Variants in KCNG3 observed in about 807,000 individuals in gnomAD.
KCNG3 encodes the protein potassium voltage-gated channel modifier subfamily G member 3.
A neutral mutation model predicts 29.0 loss-of-function variants in KCNG3; 15 were observed. That is an observed-to-expected ratio of 0.52 (90% CI 0.35 to 0.80). The LOEUF (loss-of-function observed/expected upper bound fraction) is 0.80, where lower values mean the gene tolerates loss of function less well. Ranked by LOEUF, KCNG3 falls within the 30% of genes least tolerant of loss-of-function variation. The probability of loss-of-function intolerance (pLI) is 0.01; values close to 1 mark genes in which losing one functional copy is unlikely to be tolerated. For missense variants in KCNG3, 512 were observed against 605.7 expected, an observed-to-expected ratio of 0.85 and a Z score of 1.62; for synonymous variants, 322 against 248.9, an observed-to-expected ratio of 1.29 and a Z score of -2.76.
At chr2:42,461,908 T>C (rs1314135676) in intron 1 of KCNG3, among the ~76,000 whole-genome samples, 2 of 152,228 alleles carry the variant, frequency 1.3e-5, no homozygotes, top group Non-Finnish European at 2.9e-5. Flanking sequence ...CATTTTGGCT[T>C]CAAGATAGTT....
chr2:42,463,008 T>A (rs1291240138), intron 1 of KCNG3: 1 of 153,890 alleles, frequency 6.5e-6, no homozygotes, highest in African/African-American at 2.4e-5. Flanking sequence ...TGAATCATCT[T>A]TAACCTGGAG....
the KCNG3 span, among the ~76,000 whole-genome samples, chr2:42,408,622 T>C: frequency 6.6e-6 from 1 of 152,128 alleles, no homozygotes; most frequent in Non-Finnish European, 1.5e-5. Flanking sequence ...CTGCCCCCTG[T>C]GGTAGACTGA....
the KCNG3 span, among the ~76,000 whole-genome samples, chr2:42,425,872 T>C: frequency 2.6e-5 from 4 of 152,178 alleles, no homozygotes; most frequent in East Asian, 3.9e-4. Flanking sequence ...AAGTGAAGTT[T>C]TGGTTCAGAA....
In KCNG3 at chr2:42,493,264, G is replaced by A; in HGVS notation, c.238C>T (p.His80Tyr). 1 of 1,612,278 alleles carries A rather than the reference G, an allele frequency of 6.2e-7. No homozygotes were observed. Among genetic ancestry groups the A allele is most frequent in the Non-Finnish European group, 8.5e-7 (1 of 1,179,832 alleles). ...FGFILLYVRGHGKLRFAPRMC... is the reference protein window; with the variant it reads ...FGFILLYVRGYGKLRFAPRMC... ...CGCGGCGCGAAGCGCAGCTTGCCGTGGCCGCGCACGTAGAGCAGGATGAAG... is the reference window on the plus strand; with the variant it reads ...CGCGGCGCGAAGCGCAGCTTGCCGTAGCCGCGCACGTAGAGCAGGATGAAG... Residue 80 changes from histidine to tyrosine, a missense_variant, in exon 1 of 2, where the codon CAC becomes TAC. Transcript: ENST00000306078.
At chr2:42,391,591 A>ATC in the KCNG3 span, among the ~76,000 whole-genome samples, 2 of 128,716 alleles carry the variant, frequency 1.6e-5, no homozygotes, top group Non-Finnish European at 3.3e-5. Context: ...AACATTTTAT[A>ATC]TCTCTTTTTT....
intron 1 of KCNG3, among the ~76,000 whole-genome samples, chr2:42,447,842 C>T (rs952537786): frequency 1.1e-4 from 16 of 152,024 alleles, no homozygotes; most frequent in African/African-American, 2.7e-4. Flanking sequence ...GCAATGAATA[C>T]GTTTGTATAT....
chr2:42,420,105 T>G, the KCNG3 span, among the ~76,000 whole-genome samples: 39 of 151,838 alleles, frequency 2.6e-4, no homozygotes, highest in African/African-American at 9.4e-4. Context: ...GCCCCTATAA[T>G]CCCAACTACT....
intron 1 of KCNG3, among the ~76,000 whole-genome samples, chr2:42,487,156 CAAAAA>C (rs1194994891): frequency 1.5e-5 from 1 of 68,004 alleles, no homozygotes; most frequent in East Asian, 5.8e-4. Flanking sequence ...GACTCTGTCT[CAAAAA>C]AAAAAAAAAA....
chr2:42,459,941 A>C (rs1672973586), intron 1 of KCNG3, among the ~76,000 whole-genome samples: 1 of 150,440 alleles, frequency 6.6e-6, no homozygotes, highest in South Asian at 2.1e-4. Flanking sequence ...GCACCACTGC[A>C]CTCCAGCCTG....
At chr2:42,421,020 C>A in the KCNG3 span, among the ~76,000 whole-genome samples, 9 of 152,242 alleles carry the variant, frequency 5.9e-5, no homozygotes, top group African/African-American at 2.2e-4. Context: ...GAATGACTCA[C>A]CATAAAACGC....
the KCNG3 span, among the ~76,000 whole-genome samples, chr2:42,419,079 G>A: frequency 2.6e-5 from 4 of 151,966 alleles, no homozygotes; most frequent in Admixed American, 6.6e-5. Context: ...CTACCCTTGT[G>A]TAACTGCTCT....
chr2:42,473,890 G>A (rs1216939756), intron 1 of KCNG3, among the ~76,000 whole-genome samples: 10 of 151,776 alleles, frequency 6.6e-5, no homozygotes, highest in Admixed American at 3.9e-4. Context: ...GGTGGCTCAC[G>A]CCTGTAATCC....
At chr2:42,483,940 C>T (rs190096599) in intron 1 of KCNG3, among the ~76,000 whole-genome samples, 16 of 152,210 alleles carry the variant, frequency 1.1e-4, no homozygotes, top group South Asian at 2.1e-4. Flanking sequence ...TACAGGAGCA[C>T]GTCACCACAC....
At chr2:42,410,559 T>G in the KCNG3 span, among the ~76,000 whole-genome samples, 3 of 152,160 alleles carry the variant, frequency 2.0e-5, no homozygotes, top group Non-Finnish European at 4.4e-5. Context: ...TGAGTATATT[T>G]TCATGCAAGT....
intron 1 of KCNG3, among the ~76,000 whole-genome samples, chr2:42,452,135 A>C (rs979237061): frequency 1.3e-5 from 2 of 150,834 alleles, no homozygotes; most frequent in Non-Finnish European, 3.0e-5. Context: ...GGTACGTAGT[A>C]GGTGTATATA....
At chr2:42,481,675 G>A (rs976441864) in intron 1 of KCNG3, among the ~76,000 whole-genome samples, 9 of 152,006 alleles carry the variant, frequency 5.9e-5, no homozygotes, top group Non-Finnish European at 1.2e-4. Flanking sequence ...GCCTTCCCCC[G>A]CATTCCCCAC....
the KCNG3 span, among the ~76,000 whole-genome samples, chr2:42,390,811 C>G: frequency 6.6e-6 from 1 of 152,218 alleles, no homozygotes; most frequent in Non-Finnish European, 1.5e-5. Context: ...TGTTATCTTC[C>G]TAGCTCCAAA....
the KCNG3 span, among the ~76,000 whole-genome samples, chr2:42,434,408 G>A: frequency 7.9e-6 from 1 of 126,876 alleles, no homozygotes; most frequent in South Asian, 2.6e-4. Context: ...GCAATGAGGA[G>A]TGATCAGAGC....
intron 1 of KCNG3, among the ~76,000 whole-genome samples, chr2:42,477,386 T>TACACAC (rs1198473558): frequency 3.2e-4 from 33 of 103,406 alleles, no homozygotes; most frequent in Middle Eastern, 6.4e-3. Context: ...CACACATATA[T>TACACAC]ATACACACAC....
Sources: gnomAD v4.1 joint callset for allele counts (sites outside exome capture counted in the v4.1 genomes callset) on GRCh38, gnomAD v4.1.1 for gene constraint, MANE v1.5 for transcripts, NCBI Gene and HGNC (gene_info 2026-07-23, HGNC 2026-07-21) for gene names.